The following ARMH1 variants were observed in gnomAD, a reference collection of about 807,000 sequenced individuals.
ARMH1 encodes the protein armadillo-like helical domain containing protein 1.
Under a neutral mutation model 50.2 loss-of-function variants are expected in ARMH1, and 34 were observed. The ratio of observed to expected loss-of-function variants is 0.68; its 90% CI spans 0.51 to 0.90. The LOEUF is 0.90. Among genes scored for constraint, ARMH1 ranks in the 40% least tolerant of loss-of-function variants. The pLI is 0.00. For synonymous variants in ARMH1, 221 were observed against 224.2 expected (o/e 0.99, Z 0.13); for missense variants, 538 against 553.9 (o/e 0.97, Z 0.29).
rs894525817 is a variant in ARMH1 at position 44,683,506 on chromosome 1, G to C, written c.-22-6170G>C. On this transcript the variant is annotated intron_variant, in intron 1 of 11. Coordinates refer to ENST00000535358, the MANE Select transcript of ARMH1 (RefSeq NM_001145636.2). The surrounding 1 kb of genome is among the most constrained non-coding windows in gnomAD (Gnocchi z 4.2). Reference sequence around the variant, plus strand: ...CCTGCAAAGGCACTATCCTGCAATGGCAACTGAGGATTCAGAGAGTCTGGA... The same window carrying C: ...CCTGCAAAGGCACTATCCTGCAATGCCAACTGAGGATTCAGAGAGTCTGGA... Among the ~76,000 whole-genome samples the C allele has an allele frequency of 4.6e-5, 7 of 152,232 alleles. No individual in the cohort carries two copies. Among genetic ancestry groups the C allele is most frequent in the African/African-American group, 1.7e-4 (7 of 41,456 alleles).
intron 4 of ARMH1, 29 bp downstream of exon 4, chr1:44,698,258 T>A: frequency 6.6e-7 from 1 of 1,526,460 alleles, no homozygotes; most frequent in Non-Finnish European, 8.9e-7. Flanking sequence ...AAGATGTGTC[T>A]CCCTAGGGGC....
At chr1:44,698,028 G>C (rs757912407) in intron 3 of ARMH1, 35 bp from the exon 4 acceptor site, 247 of 1,492,560 alleles carry the variant, frequency 1.7e-4, no homozygotes, top group Non-Finnish European at 2.2e-4. Flanking sequence ...AACTTGACAA[G>C]AGTTTTATTT....
rs145646616 is a variant in ARMH1 at position 44,710,112 on chromosome 1, G to A, written c.724+5939G>A. The stretch of plus-strand genomic sequence containing the variant: ...TAACACAGTGGAATCCTCTAGAGAT[G>A]CTAGTGCAGGGAAACAGTGGCCCTA... On this transcript the variant is annotated intron_variant, in intron 6 of 11. Coordinates refer to ENST00000535358, the MANE Select transcript of ARMH1 (RefSeq NM_001145636.2). Among the ~76,000 whole-genome samples, 1,288 of 152,220 alleles carry A rather than the reference G, an allele frequency of 8.5e-3. 26 individuals carry two copies. Among genetic ancestry groups the A allele is most frequent in the African/African-American group, 0.029 (1,189 of 41,510 alleles).
chr1:44,699,602 A>G (rs1208186749), intron 4 of ARMH1, among the ~76,000 whole-genome samples: 4 of 151,878 alleles, frequency 2.6e-5, no homozygotes, highest in African/African-American at 7.3e-5. Flanking sequence ...GGCATGCGCC[A>G]CCATGCCTGG....
chr1:44,724,848 G>A lies in ARMH1; in HGVS notation c.1128+9G>A. On this transcript the variant is annotated intron_variant, in intron 10 of 11. Coordinates refer to ENST00000535358, the MANE Select transcript of ARMH1 (RefSeq NM_001145636.2). The surrounding 1 kb of genome is among the most constrained non-coding windows in gnomAD (Gnocchi z 6.4). ...TCTACCAGCTCTTCCTGGTAAGTGC[G>A]CCCTTCCTGCCCCGCCGCAATGAGC... 6.6e-7 allele frequency: 1 copy of A among 1,522,928 alleles called. No individual in the cohort carries two copies. The highest frequency in any genetic ancestry group is 8.8e-7 in the Non-Finnish European group (1 of 1,138,594). 94.3% of individuals were successfully genotyped at this position (1,522,928 alleles called of 1,614,324 possible).
intron 1 of ARMH1, among the ~76,000 whole-genome samples, chr1:44,678,902 C>T (rs759042790): frequency 1.5e-4 from 23 of 152,174 alleles, no homozygotes; most frequent in Non-Finnish European, 2.8e-4. Flanking sequence ...TTTGGCTTAG[C>T]ATGAGAGCTG....
intron 6 of ARMH1, among the ~76,000 whole-genome samples, chr1:44,704,568 G>A (rs1339931448): frequency 6.6e-6 from 1 of 151,756 alleles, no homozygotes; most frequent in Non-Finnish European, 1.5e-5. Flanking sequence ...CTGGAGTGCA[G>A]TGGTACCATC....
At chr1:44,720,670 G>A (rs1647065881) in intron 6 of ARMH1, among the ~76,000 whole-genome samples, 1 of 152,178 alleles carries the variant, frequency 6.6e-6, no homozygotes. Flanking sequence ...GAGGAGAGCA[G>A]GCCAGGGGCA....
intron 4 of ARMH1, among the ~76,000 whole-genome samples, chr1:44,700,615 CA>C (rs71587059): frequency 0.25 from 15,316 of 62,256 alleles, 620 homozygotes; most frequent in African/African-American, 0.36. Context: ...GACTCCATCT[CA>C]AAAAAAAAAA....
chr1:44,710,159 T>C (rs1416230484), intron 6 of ARMH1, among the ~76,000 whole-genome samples: 1 of 152,060 alleles, frequency 6.6e-6, no homozygotes, highest in South Asian at 2.1e-4. Flanking sequence ...CGAACAGACA[T>C]GGACAAGGCT....
chr1:44,714,601 G>T (rs375672339), intron 6 of ARMH1, among the ~76,000 whole-genome samples: 278 of 149,966 alleles, frequency 1.9e-3, no homozygotes, highest in Middle Eastern at 0.01. Flanking sequence ...AAAAAAAAAA[G>T]GTAGCAGGGT....
chr1:44,725,324 A>G lies in ARMH1; in HGVS notation c.1244A>G (p.Asn415Ser), dbSNP rs1331819329. 1 of 1,551,790 alleles carries G rather than the reference A, an allele frequency of 6.4e-7. No individual in the cohort carries two copies. Among genetic ancestry groups the G allele is most frequent in the Admixed American group, 2.0e-5 (1 of 51,004 alleles). The change falls in exon 12 of 12, where the codon AAC (asparagine) becomes AGC (serine). Residue 415 changes from asparagine (N) to serine (S), a missense_variant. Transcript: ENST00000535358. Reference protein sequence around the residue: ...LCLHGSSYSMNTLYGSRDSAQ... With the variant: ...LCLHGSSYSMSTLYGSRDSAQ... Reference sequence around the variant, plus strand: ...CTCCATGGCAGCTCCTACAGCATGAACACTCTCTATGGCTCGCGCGATTCG... The same window carrying G: ...CTCCATGGCAGCTCCTACAGCATGAGCACTCTCTATGGCTCGCGCGATTCG...
intron 6 of ARMH1, among the ~76,000 whole-genome samples, chr1:44,718,614 T>C (rs567460710): frequency 2.1e-3 from 325 of 152,262 alleles, no homozygotes; most frequent in Non-Finnish European, 3.6e-3. Flanking sequence ...GATTCCAAAA[T>C]AGGACCACAT....
At chr1:44,698,518 T>C (rs960126686) in intron 4 of ARMH1, among the ~76,000 whole-genome samples, 2 of 152,148 alleles carry the variant, frequency 1.3e-5, no homozygotes, top group Non-Finnish European at 2.9e-5. Context: ...TTTTGTGAAA[T>C]TGAGTTATGA....
chr1:44,696,298 A>G (rs1645827721), intron 2 of ARMH1, among the ~76,000 whole-genome samples: 1 of 152,208 alleles, frequency 6.6e-6, no homozygotes, highest in South Asian at 2.1e-4. Context: ...CAAACAAAGC[A>G]CCATTACCTC....
Position 44,724,456 on chromosome 1 carries a change from G to C in ARMH1, c.920+64G>C. ...TGGCTTGGCGCTGCCGGCGGGCCCCGGGAGCGCTCCGTGCGCCGGGTGGGC... is the reference window on the plus strand; with the variant it reads ...TGGCTTGGCGCTGCCGGCGGGCCCCCGGAGCGCTCCGTGCGCCGGGTGGGC... On this transcript the variant is annotated intron_variant, in intron 8 of 11. Coordinates refer to ENST00000535358, the MANE Select transcript of ARMH1 (RefSeq NM_001145636.2). This position sits in a 1 kb window ranked among gnomAD's most constrained non-coding sequence, Gnocchi z 6.4. 6.5e-7 allele frequency: 1 copy of C among 1,528,020 alleles called. No homozygotes were observed. The highest frequency in any genetic ancestry group is 1.2e-5 in the South Asian group (1 of 82,016). The allele number at this position is 1,528,020 out of a possible 1,614,324, so 94.7% of individuals were successfully genotyped here.
chr1:44,698,834 G>T (rs1645922334), intron 4 of ARMH1, among the ~76,000 whole-genome samples: 1 of 149,306 alleles, frequency 6.7e-6, no homozygotes. Flanking sequence ...AAAAGAAATT[G>T]AATTATGAAT....
In ARMH1 at chr1:44,725,151, T is replaced by G; in HGVS notation, c.1144T>G (p.Leu382Val). Reference protein sequence around the residue: ...YQLFLSNAEDLYMKIDSIQAD... With the variant: ...YQLFLSNAEDVYMKIDSIQAD... ...CTGTCCTCAGAGCAACGCTGAGGAC[T>G]TGTACATGAAAATAGACAGCATTCA... The change falls in exon 11 of 12, where the codon TTG becomes GTG. Residue 382 changes from leucine to valine, a missense_variant. Leu to Val is a conservative substitution (Grantham distance 32). Transcript: ENST00000535358. 1 of 1,551,932 alleles carries G rather than the reference T, an allele frequency of 6.4e-7. No homozygotes were observed. Among genetic ancestry groups the G allele is most frequent in the South Asian group, 1.2e-5 (1 of 84,062 alleles).
intron 1 of ARMH1, 122 bp from the exon 2 acceptor site, chr1:44,689,554 G>T (rs16832188): frequency 2.7e-6 from 2 of 734,904 alleles, no homozygotes; most frequent in East Asian, 2.7e-5. Context: ...TATATTTTGC[G>T]CATAACTACA....
Sources: allele counts gnomAD v4.1 joint callset (sites outside exome capture counted in the v4.1 genomes callset), GRCh38; gene constraint gnomAD v4.1.1; non-coding constraint Gnocchi (gnomAD v3.1); transcripts MANE v1.5; gene names NCBI Gene and HGNC (gene_info 2026-07-23, HGNC 2026-07-21).